Variants in GATM observed in about 807,000 individuals in gnomAD.
GATM encodes the protein glycine amidinotransferase, mitochondrial.
GATM carries 23 observed loss-of-function variants against 54.2 expected under a neutral mutation model. That is an observed-to-expected ratio of 0.42 (90% CI 0.31 to 0.60). GATM has a LOEUF of 0.60. Ranked by LOEUF, GATM falls within the 20% of genes least tolerant of loss-of-function variation. The pLI is 0.14. For synonymous variants in GATM, 168 were observed against 183.1 expected (o/e 0.92, Z 0.67); for missense variants, 401 against 544.9 (o/e 0.74, Z 2.63).
chr15:45,401,686 T>C (rs1277988127), intron 1 of GATM, among the ~76,000 whole-genome samples: 1 of 152,234 alleles, frequency 6.6e-6, no homozygotes, highest in African/African-American at 2.4e-5. Flanking sequence ...TGAACTTTAG[T>C]GATTAACTTG....
At chr15:45,366,719 G>T (rs958841528) in intron 4 of GATM, among the ~76,000 whole-genome samples, 7 of 152,150 alleles carry the variant, frequency 4.6e-5, no homozygotes, top group African/African-American at 1.7e-4. Flanking sequence ...GTAATTTCCT[G>T]ATACAACAGT....
At chr15:45,389,042 G>A (rs1889838733) in intron 3 of GATM, among the ~76,000 whole-genome samples, 1 of 152,158 alleles carries the variant, frequency 6.6e-6, no homozygotes, top group African/African-American at 2.4e-5. Flanking sequence ...GTAACGTTTG[G>A]CAGATATAAA....
intron 3 of GATM, among the ~76,000 whole-genome samples, chr15:45,389,138 GACA>G (rs1263683404): frequency 1.3e-5 from 2 of 152,216 alleles, no homozygotes; most frequent in African/African-American, 4.8e-5. Context: ...AAACTTTCCA[GACA>G]ACTGAAGCTT....
intron 2 of GATM, among the ~76,000 whole-genome samples, chr15:45,376,336 GGAA>G (rs1432534459): frequency 1.4e-4 from 22 of 152,212 alleles, no homozygotes; most frequent in African/African-American, 4.6e-4. Flanking sequence ...AGGCTGTGAC[GGAA>G]GAAGATCTGA....
chr15:45,394,547 G>A (rs1273575814), intron 3 of GATM, among the ~76,000 whole-genome samples: 1 of 152,206 alleles, frequency 6.6e-6, no homozygotes, highest in Non-Finnish European at 1.5e-5. Flanking sequence ...TAGTGTGTTT[G>A]CCAAAACTTC....
intron 1 of GATM, among the ~76,000 whole-genome samples, chr15:45,401,680 C>A (rs969608206): frequency 3.3e-5 from 5 of 152,192 alleles, no homozygotes; most frequent in Non-Finnish European, 7.3e-5. Flanking sequence ...ATCGCATGAA[C>A]TTTAGTGATT....
At chr15:45,380,940 A>G (rs1453834874), upstream of GATM, among the ~76,000 whole-genome samples, 1 of 152,118 alleles carries the variant, frequency 6.6e-6, no homozygotes, top group Admixed American at 6.5e-5. Flanking sequence ...TTCATTCACT[A>G]CAATTATATT....
intron 3 of GATM, among the ~76,000 whole-genome samples, chr15:45,385,248 T>A (rs1889791501): frequency 6.6e-6 from 1 of 152,202 alleles, no homozygotes; most frequent in Non-Finnish European, 1.5e-5. Flanking sequence ...TCACTGGACC[T>A]TCTCCCTCAT....
In GATM at chr15:45,361,937, TTTTC is replaced by T; in HGVS notation, c.*168_*171del. ...AGAGAGTAATACCTAGCAGAAGTTA[TTTTC>T]TTTATGTCAAAGAAAAGTAATAGAA... On this transcript the variant is annotated 3_prime_UTR_variant, in exon 9 of 9. Transcript: ENST00000396659. The T allele has an allele frequency of 1.6e-6, 1 of 632,970 alleles. No homozygotes were observed. The highest frequency in any genetic ancestry group is 2.8e-6 in the Non-Finnish European group (1 of 353,384). The allele number at this position is 632,970 out of a possible 1,614,324, so 39.2% of individuals were successfully genotyped here.
chr15:45,362,891 C>T (rs1019602616), intron 8 of GATM, among the ~76,000 whole-genome samples: 2 of 152,142 alleles, frequency 1.3e-5, no homozygotes, highest in African/African-American at 4.8e-5. Context: ...ATTATTCTTC[C>T]TCAAGGAGCT....
At chr15:45,370,565 A>T (rs1034709056) in intron 2 of GATM, among the ~76,000 whole-genome samples, 2 of 152,160 alleles carry the variant, frequency 1.3e-5, no homozygotes, top group Non-Finnish European at 2.9e-5. Flanking sequence ...CATCTCTTCA[A>T]GTCTTTTTGT....
chr15:45,380,726 G>A (rs1199693437), upstream of GATM, among the ~76,000 whole-genome samples: 14 of 152,094 alleles, frequency 9.2e-5, no homozygotes, highest in Non-Finnish European at 1.8e-4. Context: ...AGTTTACGAT[G>A]TTGTTAAGTT....
At position 45,366,034 on chromosome 15, in the gene GATM, G is replaced by T. The variant is rs1889442924; in HGVS notation, c.978+12C>A. 1.2e-6 allele frequency: 2 copies of T among 1,613,802 alleles called. No homozygotes were observed. The highest frequency in any genetic ancestry group is 3.3e-5 in the Admixed American group (2 of 59,994). The stretch of plus-strand genomic sequence containing the variant: ...TTCTGTTGCTTTTCCAGAGTCCCAA[G>T]AAATCTCTTACCTGGTGACATGGTC... On this transcript the variant is annotated intron_variant, in intron 6 of 8. Coordinates refer to ENST00000396659, the MANE Select transcript of GATM (RefSeq NM_001482.3).
At chr15:45,386,852 A>G (rs1455913277) in intron 3 of GATM, among the ~76,000 whole-genome samples, 1 of 152,194 alleles carries the variant, frequency 6.6e-6, no homozygotes, top group African/African-American at 2.4e-5. Flanking sequence ...TAAGTGACAA[A>G]ACGTCCTCCA....
chr15:45,383,468 ATCT>A (rs1039361394), upstream of GATM, among the ~76,000 whole-genome samples: 113 of 152,192 alleles, frequency 7.4e-4, no homozygotes, highest in Non-Finnish European at 2.5e-4. Context: ...GCTCCAAGGG[ATCT>A]TCTTATTTTT....
chr15:45,374,717 G>A (rs1005572694), intron 2 of GATM, among the ~76,000 whole-genome samples: 16 of 152,118 alleles, frequency 1.1e-4, no homozygotes, highest in African/African-American at 3.9e-4. Context: ...TAAGATACTT[G>A]GTCTTCGTTT....
chr15:45,381,244 AGTCG>A (rs1323238083), upstream of GATM, among the ~76,000 whole-genome samples: 6 of 152,164 alleles, frequency 3.9e-5, no homozygotes, highest in Non-Finnish European at 8.8e-5. Flanking sequence ...TCTCATACCT[AGTCG>A]TTATGCATAT....
chr15:45,365,515 C>A (rs534902774), intron 6 of GATM, among the ~76,000 whole-genome samples: 1 of 152,180 alleles, frequency 6.6e-6, no homozygotes, highest in Non-Finnish European at 1.5e-5. Flanking sequence ...AACAGAAAAT[C>A]ACTCATCACC....
At chr15:45,364,572 G>T in intron 7 of GATM, 3 of 513,120 alleles carry the variant, frequency 5.8e-6, no homozygotes, top group South Asian at 2.5e-5. Flanking sequence ...TTTACGTGAT[G>T]TTGTTTTATT....
Sources: gnomAD v4.1 joint callset for allele counts (sites outside exome capture counted in the v4.1 genomes callset) on GRCh38, gnomAD v4.1.1 for gene constraint, MANE v1.5 for transcripts, NCBI Gene and HGNC (gene_info 2026-07-23, HGNC 2026-07-21) for gene names.